GRID2: variants seen among roughly 807,000 people sequenced by gnomAD.
GRID2 encodes glutamate receptor ionotropic, delta-2.
Under a neutral mutation model 114.8 loss-of-function variants are expected in GRID2, and 33 were observed. That is an observed-to-expected ratio of 0.29 (90% CI 0.22 to 0.38). GRID2 has a LOEUF of 0.38. Ranked by LOEUF, GRID2 falls within the 10% of genes least tolerant of loss-of-function variation. The pLI is 1.00. For missense variants in GRID2, 1,184 were observed against 1,257.7 expected (o/e 0.94, Z 0.89); for synonymous variants, 505 against 449.9 (o/e 1.12, Z -1.55).
chr4:93,181,246 G>A (rs1388978719), intron 4 of GRID2, among the ~76,000 whole-genome samples: 1 of 152,122 alleles, frequency 6.6e-6, no homozygotes, highest in Admixed American at 6.6e-5. Flanking sequence ...TCAATAAAGA[G>A]TAATATCTTC....
chr4:92,463,727 A>AT (rs1259217221), intron 1 of GRID2, among the ~76,000 whole-genome samples: 1 of 151,906 alleles, frequency 6.6e-6, no homozygotes, highest in Non-Finnish European at 1.5e-5. Flanking sequence ...AGAATCTTGT[A>AT]TTAAAAGGTC....
intron 2 of GRID2, among the ~76,000 whole-genome samples, chr4:92,597,324 T>G (rs899083812): frequency 6.6e-6 from 1 of 152,122 alleles, no homozygotes; most frequent in Non-Finnish European, 1.5e-5. Flanking sequence ...TACTGCTGTA[T>G]TTGTATGTCT....
At chr4:92,768,316 A>T (rs1420541715) in intron 2 of GRID2, among the ~76,000 whole-genome samples, 6 of 152,060 alleles carry the variant, frequency 3.9e-5, no homozygotes, top group African/African-American at 4.8e-5. Flanking sequence ...TTGAAAAAAA[A>T]TTTTTTACTT....
At chr4:93,780,346 G>C (rs960726627) in intron 1 of GRID2, among the ~76,000 whole-genome samples, 1 of 152,198 alleles carries the variant, frequency 6.6e-6, no homozygotes, top group Non-Finnish European at 1.5e-5. Context: ...AATGTCCTGG[G>C]CATGTCTAAA....
At chr4:92,394,930 A>G (rs963255833) in intron 1 of GRID2, among the ~76,000 whole-genome samples, 4 of 151,634 alleles carry the variant, frequency 2.6e-5, no homozygotes, top group African/African-American at 9.7e-5. Context: ...TCCTACCAAA[A>G]GTTGACTTTT....
intron 1 of GRID2, among the ~76,000 whole-genome samples, chr4:93,787,967 A>G (rs899761259): frequency 6.6e-6 from 1 of 152,174 alleles, no homozygotes; most frequent in African/African-American, 2.4e-5. Flanking sequence ...TGGAAACATC[A>G]TAATTGAGAT....
chr4:93,119,961 G>C (rs1733626933), intron 4 of GRID2, among the ~76,000 whole-genome samples: 1 of 152,148 alleles, frequency 6.6e-6, no homozygotes, highest in Admixed American at 6.5e-5. Context: ...AACTTTGTCA[G>C]ATGGACAGAT....
At chr4:92,433,819 TTTTAA>T (rs1269630342) in intron 1 of GRID2, among the ~76,000 whole-genome samples, 1 of 152,190 alleles carries the variant, frequency 6.6e-6, no homozygotes, top group Non-Finnish European at 1.5e-5. Flanking sequence ...TAAAATCATA[TTTTAA>T]TTTATCAAAT....
At chr4:92,986,053 G>T (rs2149195658) in intron 2 of GRID2, among the ~76,000 whole-genome samples, 1 of 152,286 alleles carries the variant, frequency 6.6e-6, no homozygotes, top group South Asian at 2.1e-4. Context: ...GCATGCATTG[G>T]TGGAACAGGT....
At chr4:92,700,168 C>A (rs963037781) in intron 2 of GRID2, among the ~76,000 whole-genome samples, 1 of 152,140 alleles carries the variant, frequency 6.6e-6, no homozygotes, top group South Asian at 2.1e-4. Flanking sequence ...TCTCAACAGA[C>A]AAGTCTTGGG....
chr4:93,615,168 T>C (rs1435629110), intron 13 of GRID2, among the ~76,000 whole-genome samples: 1 of 152,218 alleles, frequency 6.6e-6, no homozygotes, highest in Non-Finnish European at 1.5e-5. Context: ...TTTCAACTCA[T>C]AGAAATTAGT....
chr4:93,564,978 T>C (rs1578272747), intron 13 of GRID2, among the ~76,000 whole-genome samples: 1 of 152,040 alleles, frequency 6.6e-6, no homozygotes, highest in African/African-American at 2.4e-5. Context: ...AAAACACTTA[T>C]TAAATGCATT....
chr4:92,713,502 T>TAC (rs1315628303), intron 2 of GRID2, among the ~76,000 whole-genome samples: 2 of 131,756 alleles, frequency 1.5e-5, no homozygotes, highest in Admixed American at 7.4e-5. Context: ...TATATATATA[T>TAC]ATATATATAT....
rs139364265 is a variant in GRID2, at chr4:93,090,203, A to T, written c.529+4924A>T. Among the ~76,000 whole-genome samples the T allele has an allele frequency of 5.5e-4, 84 of 152,234 alleles. 1 individual carries two copies. In the East Asian group the frequency reaches 0.01, roughly 18 times the overall value. On this transcript the variant is annotated intron_variant, in intron 3 of 15. Transcript: ENST00000282020. ...TTCTCATCTGTATTTATTTAAAGAG[A>T]CTATAAACAGGACTTTAATGAGCAG...
chr4:93,305,798 G>C (rs1449740534), intron 8 of GRID2, among the ~76,000 whole-genome samples: 1 of 152,090 alleles, frequency 6.6e-6, no homozygotes. Context: ...CTCTTGCCTG[G>C]ATTATTTTAA....
At chr4:93,556,532 A>G (rs375236285) in intron 13 of GRID2, among the ~76,000 whole-genome samples, 124 of 152,328 alleles carry the variant, frequency 8.1e-4, no homozygotes, top group African/African-American at 2.6e-3. Flanking sequence ...ACTTAATGAA[A>G]TAAGTGTGAA....
chr4:92,431,621 A>G (rs1251610013), intron 1 of GRID2, among the ~76,000 whole-genome samples: 2 of 151,352 alleles, frequency 1.3e-5, no homozygotes, highest in East Asian at 1.9e-4. Context: ...TCAAACATGA[A>G]TAAGAAAGAC....
At chr4:93,276,488 A>G (rs1752073476) in intron 8 of GRID2, among the ~76,000 whole-genome samples, 1 of 151,924 alleles carries the variant, frequency 6.6e-6, no homozygotes, top group South Asian at 2.1e-4. Context: ...TAGGATTTTG[A>G]TGGGGATTGT....
chr4:93,637,973 C>T (rs1721566720), intron 14 of GRID2, among the ~76,000 whole-genome samples: 1 of 151,996 alleles, frequency 6.6e-6, no homozygotes, highest in Non-Finnish European at 1.5e-5. Context: ...GAATCTGATA[C>T]TTCTAGACAT....
Sources: allele counts gnomAD v4.1 joint callset (sites outside exome capture counted in the v4.1 genomes callset), GRCh38; gene constraint gnomAD v4.1.1; transcripts MANE v1.5; gene names NCBI Gene and HGNC (gene_info 2026-07-23, HGNC 2026-07-21).